The following WWOX variants were observed in gnomAD, a reference collection of about 807,000 sequenced individuals.
The protein encoded by WWOX is WW domain containing oxidoreductase, also known as WW domain-containing oxidoreductase.
In WWOX, 69 loss-of-function variants were observed where a neutral mutation model predicts 46.2. The observed-to-expected ratio is 1.49, with a 90% CI of 1.23 to 1.82. The LOEUF (loss-of-function observed/expected upper bound fraction) is 1.82. WWOX is among the 40% of genes most tolerant of loss of function. The probability of loss-of-function intolerance (pLI) is 0.00; values close to 1 mark genes in which losing one functional copy is unlikely to be tolerated. For synonymous variants in WWOX, 359 were observed against 202.6 expected (o/e 1.77, Z -6.56); for missense variants, 919 against 542.6 (o/e 1.69, Z -6.89).
intron 8 of WWOX, among the ~76,000 whole-genome samples, chr16:78,609,160 A>C (rs150243153): frequency 6.6e-6 from 1 of 152,316 alleles, no homozygotes; most frequent in East Asian, 1.9e-4. Flanking sequence ...AAATCTTTCT[A>C]TCCTTTCTCT....
intron 8 of WWOX, among the ~76,000 whole-genome samples, chr16:78,481,764 T>TGTGTGTGTGTGCGC (rs149940474): frequency 1.4e-5 from 2 of 147,928 alleles, no homozygotes; most frequent in South Asian, 2.2e-4. Flanking sequence ...TGTGTGTGTG[T>TGTGTGTGTGTGCGC]GCGCGCGCCT....
intron 8 of WWOX, among the ~76,000 whole-genome samples, chr16:78,505,170 C>T (rs2085163317): frequency 1.3e-5 from 2 of 152,184 alleles, no homozygotes; most frequent in Non-Finnish European, 2.9e-5. Flanking sequence ...TTTAAATACA[C>T]AGAACTTACT....
intron 8 of WWOX, among the ~76,000 whole-genome samples, chr16:78,921,799 T>C (rs1428564663): frequency 6.6e-6 from 1 of 152,238 alleles, no homozygotes; most frequent in East Asian, 1.9e-4. Flanking sequence ...GTCCTTACTC[T>C]GACACCCACT....
At chr16:79,016,510 C>T (rs2047416063) in intron 8 of WWOX, 1 of 152,496 alleles carries the variant, frequency 6.6e-6, no homozygotes, top group East Asian at 1.9e-4. Context: ...GCAACCTCTG[C>T]CTCCTGGGTT....
At chr16:79,065,131 A>T (rs2048419220) in intron 8 of WWOX, among the ~76,000 whole-genome samples, 1 of 152,166 alleles carries the variant, frequency 6.6e-6, no homozygotes, top group African/African-American at 2.4e-5. Flanking sequence ...CGCTATGGGG[A>T]AATGCAGATA....
intron 8 of WWOX, among the ~76,000 whole-genome samples, chr16:78,859,505 T>A (rs1158327661): frequency 6.6e-6 from 1 of 152,306 alleles, no homozygotes; most frequent in South Asian, 2.1e-4. Flanking sequence ...ATAGCTCGAT[T>A]TTTATCATTA....
At chr16:78,548,341 A>G (rs1425316465) in intron 8 of WWOX, among the ~76,000 whole-genome samples, 1 of 93,838 alleles carries the variant, frequency 1.1e-5, no homozygotes, top group African/African-American at 2.7e-5. Context: ...TTGTTCCTAA[A>G]GAAAAAAAAA....
chr16:78,130,429 T>C (rs868516216), intron 4 of WWOX, among the ~76,000 whole-genome samples: 3 of 152,312 alleles, frequency 2.0e-5, no homozygotes, highest in South Asian at 4.1e-4. Context: ...CCTTGGACTT[T>C]AAGCCTCCAG....
At chr16:79,096,016 ATTTTTTTTT>A (rs57621801) in intron 8 of WWOX, among the ~76,000 whole-genome samples, 5 of 82,014 alleles carry the variant, frequency 6.1e-5, no homozygotes, top group Admixed American at 2.9e-4. Flanking sequence ...CACCCGGATA[ATTTTTTTTT>A]TTTTTTTTTT....
At chr16:78,766,032 C>T (rs1479697474) in intron 8 of WWOX, among the ~76,000 whole-genome samples, 1 of 152,210 alleles carries the variant, frequency 6.6e-6, no homozygotes, top group Non-Finnish European at 1.5e-5. Flanking sequence ...AAAAGGTTTA[C>T]AGAGCCCAGG....
intron 5 of WWOX, among the ~76,000 whole-genome samples, chr16:78,283,015 A>G (rs1351450473): frequency 1.3e-5 from 2 of 152,014 alleles, no homozygotes; most frequent in African/African-American, 4.8e-5. Context: ...GACTGAGACC[A>G]GGGCCTGGCT....
At position 78,869,597 on chromosome 16, in the gene WWOX, C is replaced by A. The variant is rs117775762; in HGVS notation, c.1057-342011C>A. ...TGTGTTGAAAAGGATTTTGACACTGCGCATGGGCTCGTTGGGAAAGGGTGT... is the reference window on the plus strand; with the variant it reads ...TGTGTTGAAAAGGATTTTGACACTGAGCATGGGCTCGTTGGGAAAGGGTGT... On this transcript the variant is annotated intron_variant, in intron 8 of 8. Coordinates refer to ENST00000566780, the MANE Select transcript of WWOX (RefSeq NM_016373.4). Among the ~76,000 whole-genome samples the A allele has an allele frequency of 5.8e-4, 88 of 152,272 alleles. No homozygotes were observed. In the East Asian group the frequency reaches 0.013, roughly 23 times the overall value.
intron 8 of WWOX, among the ~76,000 whole-genome samples, chr16:78,971,074 T>G (rs983191624): frequency 6.6e-5 from 10 of 152,024 alleles, no homozygotes; most frequent in African/African-American, 2.2e-4. Flanking sequence ...TATGTATACA[T>G]ATGTATATGT....
chr16:78,878,233 T>G (rs1295589100), intron 8 of WWOX, among the ~76,000 whole-genome samples: 1 of 152,142 alleles, frequency 6.6e-6, no homozygotes, highest in Non-Finnish European at 1.5e-5. Context: ...CTTAGCCTCA[T>G]GACATTGGGC....
chr16:78,779,927 C>A (rs928789071), intron 8 of WWOX, among the ~76,000 whole-genome samples: 6 of 152,188 alleles, frequency 3.9e-5, no homozygotes, highest in African/African-American at 4.8e-5. Flanking sequence ...CTCTGAATTG[C>A]AGCCACAAAT....
intron 8 of WWOX, among the ~76,000 whole-genome samples, chr16:78,523,780 C>T (rs925281518): frequency 6.6e-6 from 1 of 152,170 alleles, no homozygotes; most frequent in Non-Finnish European, 1.5e-5. Context: ...GAGAGCATGA[C>T]CCTGGGGGCC....
chr16:78,789,975 C>A (rs942860555), intron 8 of WWOX, among the ~76,000 whole-genome samples: 1 of 152,148 alleles, frequency 6.6e-6, no homozygotes, highest in African/African-American at 2.4e-5. Flanking sequence ...CCTCAGTTTC[C>A]CTGACTATAA....
chr16:78,368,989 C>A (rs1001421240), intron 5 of WWOX, among the ~76,000 whole-genome samples: 2 of 152,106 alleles, frequency 1.3e-5, no homozygotes, highest in African/African-American at 4.8e-5. Flanking sequence ...TCTCAGTCTC[C>A]CCATCTCCCC....
At chr16:78,584,161 C>T (rs2045134440) in intron 8 of WWOX, among the ~76,000 whole-genome samples, 1 of 152,206 alleles carries the variant, frequency 6.6e-6, no homozygotes, top group Admixed American at 6.5e-5. Flanking sequence ...GATCATTTCT[C>T]CTTCTCTAAG....
Sources: gnomAD v4.1 joint callset for allele counts (sites outside exome capture counted in the v4.1 genomes callset) on GRCh38, gnomAD v4.1.1 for gene constraint, MANE v1.5 for transcripts, NCBI Gene and HGNC (gene_info 2026-07-23, HGNC 2026-07-21) for gene names.